The following AFAP1L1 variants were observed in gnomAD, a reference collection of about 807,000 sequenced individuals.
AFAP1L1 encodes the protein actin filament-associated protein 1-like 1.
Under a neutral mutation model 99.8 loss-of-function variants are expected in AFAP1L1, and 77 were observed. The ratio of observed to expected loss-of-function variants is 0.77; its 90% confidence interval spans 0.64 to 0.93. The LOEUF (loss-of-function observed/expected upper bound fraction) is 0.93, where lower values mean the gene tolerates loss of function less well. AFAP1L1 is among the 40% of genes least tolerant of loss of function. The pLI is 0.00. For missense variants in AFAP1L1, 893 were observed against 996.8 expected, an observed-to-expected ratio of 0.90 and a Z score of 1.40; for synonymous variants, 373 against 395.3, an observed-to-expected ratio of 0.94 and a Z score of 0.67.
intron 1 of AFAP1L1, among the ~76,000 whole-genome samples, chr5:149,294,913 T>C (rs941468226): frequency 6.6e-6 from 1 of 152,158 alleles, no homozygotes; most frequent in African/African-American, 2.4e-5. Flanking sequence ...CAGGCCAGGG[T>C]TCAAAGCCTG....
At chr5:149,286,058 G>T (rs1428386486) in intron 1 of AFAP1L1, among the ~76,000 whole-genome samples, 1 of 152,200 alleles carries the variant, frequency 6.6e-6, no homozygotes, top group Non-Finnish European at 1.5e-5. Context: ...AATCTCACCT[G>T]TCCAGGAAGG....
intron 15 of AFAP1L1, among the ~76,000 whole-genome samples, chr5:149,325,049 T>C (rs901488038): frequency 1.1e-4 from 17 of 152,130 alleles, no homozygotes; most frequent in African/African-American, 4.1e-4. Context: ...AAGTAGATGA[T>C]TGCTGAGAAA....
chr5:149,288,163 G>A (rs1452699456), intron 1 of AFAP1L1, among the ~76,000 whole-genome samples: 1 of 152,190 alleles, frequency 6.6e-6, no homozygotes, highest in Non-Finnish European at 1.5e-5. Context: ...GGTCAGAGGA[G>A]CTCACTGCTG....
chr5:149,301,031 C>T (rs1000685303), intron 3 of AFAP1L1, 102 bp from the exon 4 acceptor site: 18 of 910,906 alleles, frequency 2.0e-5, no homozygotes, highest in South Asian at 9.4e-5. Flanking sequence ...TGGTGGAGCC[C>T]GACCTCACAC....
Position 149,318,946 on chromosome 5 carries a change from C to T in AFAP1L1, c.1480-636C>T, listed in dbSNP as rs1048011817. 1.2e-4 allele frequency among the ~76,000 whole-genome samples: 18 copies of T among 152,232 alleles called. No individual in the cohort carries two copies. The South Asian group carries it at 1.5e-3, about 12-fold the overall frequency. On this transcript the variant is annotated intron_variant, in intron 12 of 18. Coordinates refer to ENST00000296721, the MANE Select transcript of AFAP1L1 (RefSeq NM_152406.4). ...TCAGTTCTTAAATTTCAAAAAATAT[C>T]GCCTCCGTAACTCACTTTTATTTTT...
chr5:149,302,540 C>A lies in AFAP1L1; in HGVS notation c.436+14C>A. The A allele has an allele frequency of 1.3e-6, 2 of 1,562,824 alleles. No individual in the cohort carries two copies. The highest frequency in any genetic ancestry group is 2.3e-5 in the East Asian group (1 of 42,584). ...TCAGCTCCCACAGTAAGTTCTGGTCCTCTTGGTGGGGCTGGGGACTTCCTG... is the reference window on the plus strand; with the variant it reads ...TCAGCTCCCACAGTAAGTTCTGGTCATCTTGGTGGGGCTGGGGACTTCCTG... On this transcript the variant is annotated intron_variant, in intron 5 of 18. Transcript: ENST00000296721.
In AFAP1L1 at chr5:149,302,429, G is replaced by A. The variant is rs1383333491; in HGVS notation, c.339G>A (p.Leu113=). ...TTGTCCCCTTGCAGGCGGCCGACCT[G>A]CCTCCACCGCTCCCCAACAAGCCTC... ...KSPRLRNAAD[L]PPPLPNKPPP... is the part of the protein sequence containing the mutation. The change falls in exon 5 of 19, where the codon CTG becomes CTA. Residue 113 remains leucine (L), a synonymous_variant. Coordinates refer to ENST00000296721, the MANE Select transcript of AFAP1L1 (RefSeq NM_152406.4). The A allele has an allele frequency of 4.4e-6, 7 of 1,586,674 alleles. No individual in the cohort carries two copies. The highest frequency in any genetic ancestry group is 3.5e-5 in the South Asian group (3 of 86,714).
intron 1 of AFAP1L1, chr5:149,276,800 T>A (rs187184403): frequency 1.5e-4 from 23 of 152,362 alleles, no homozygotes; most frequent in African/African-American, 5.1e-4. Context: ...TTAGACAGCT[T>A]TGTGTACAAC....
chr5:149,297,582 A>G (rs906180222), intron 1 of AFAP1L1, among the ~76,000 whole-genome samples: 11 of 152,184 alleles, frequency 7.2e-5, no homozygotes, highest in African/African-American at 2.7e-4. Flanking sequence ...CCTTCAGCTC[A>G]TTGTCAACGA....
chr5:149,277,689 G>C (rs758040477), intron 1 of AFAP1L1, among the ~76,000 whole-genome samples: 2 of 149,578 alleles, frequency 1.3e-5, no homozygotes, highest in Non-Finnish European at 2.9e-5. Context: ...GAGTGGTTCA[G>C]AGAATGGACA....
At chr5:149,297,431 G>A (rs553189604) in intron 1 of AFAP1L1, among the ~76,000 whole-genome samples, 88 of 151,986 alleles carry the variant, frequency 5.8e-4, no homozygotes, top group Non-Finnish European at 1.1e-3. Context: ...CAGCCTCAGC[G>A]TCATCTTCTG....
Position 149,301,122 on chromosome 5 carries a change from T to A in AFAP1L1, c.230-11T>A, listed in dbSNP as rs940482866. ...TTGGCTTTCTTTGCCCAATGGCCTG[T>A]CCCTCTGTAGACTGTGACCTGAGTG... On this transcript the variant is annotated splice_polypyrimidine_tract_variant and intron_variant, in intron 3 of 18. Transcript: ENST00000296721. The A allele has an allele frequency of 3.1e-6, 5 of 1,613,230 alleles. No individual in the cohort carries two copies. The African/African-American group carries it at 6.7e-5, about 22-fold the overall frequency.
At chr5:149,338,641 A>T (rs959801671) in intron 18 of AFAP1L1, among the ~76,000 whole-genome samples, 2 of 152,248 alleles carry the variant, frequency 1.3e-5, no homozygotes, top group African/African-American at 4.8e-5. Flanking sequence ...CATAACAGGG[A>T]ACCCAAAAAA....
chr5:149,307,012 C>T (rs978439651), intron 6 of AFAP1L1, among the ~76,000 whole-genome samples: 23 of 152,002 alleles, frequency 1.5e-4, no homozygotes, highest in Non-Finnish European at 2.4e-4. Context: ...TTTGGGAGGC[C>T]AAGGCAGGTG....
At chr5:149,302,729 T>C (rs1756270360) in intron 5 of AFAP1L1, 1 of 480,742 alleles carries the variant, frequency 2.1e-6, no homozygotes, top group African/African-American at 2.0e-5. Context: ...CCCCAGGGGC[T>C]GGGGGCTTAG....
At chr5:149,296,606 T>C (rs1032000869) in intron 1 of AFAP1L1, among the ~76,000 whole-genome samples, 1 of 152,190 alleles carries the variant, frequency 6.6e-6, no homozygotes, top group Non-Finnish European at 1.5e-5. Context: ...AGAGAGAGAA[T>C]GCGCGTTGGG....
At chr5:149,291,166 A>G (rs1755841242) in intron 1 of AFAP1L1, among the ~76,000 whole-genome samples, 1 of 152,132 alleles carries the variant, frequency 6.6e-6, no homozygotes, top group South Asian at 2.1e-4. Flanking sequence ...TGATAGGCAA[A>G]AAGAACAGCT....
intron 14 of AFAP1L1, among the ~76,000 whole-genome samples, chr5:149,321,876 C>A (rs559624553): frequency 1.3e-5 from 2 of 151,772 alleles, no homozygotes; most frequent in African/African-American, 2.4e-5. Context: ...CCTGTCTCTA[C>A]AAAAATTAGC....
At chr5:149,299,358 C>A in intron 1 of AFAP1L1, 151 bp from the exon 2 acceptor site, 2 of 1,020,440 alleles carry the variant, frequency 2.0e-6, no homozygotes, top group Non-Finnish European at 2.8e-6. Flanking sequence ...CGTGGCAGGT[C>A]TGGGACAGCT....
Sources: allele counts gnomAD v4.1 joint callset (sites outside exome capture counted in the v4.1 genomes callset), GRCh38; gene constraint gnomAD v4.1.1; transcripts MANE v1.5; gene names NCBI Gene and HGNC (gene_info 2026-07-23, HGNC 2026-07-21).